PDE4B: variants seen among roughly 807,000 people sequenced by gnomAD.
PDE4B encodes the protein phosphodiesterase 4B.
Under a neutral mutation model 82.2 loss-of-function variants are expected in PDE4B, and 20 were observed. The ratio of observed to expected loss-of-function variants is 0.24; its 90% CI spans 0.17 to 0.35. PDE4B has a LOEUF of 0.35. Among genes scored for constraint, PDE4B ranks in the 10% least tolerant of loss-of-function variants. PDE4B has a pLI of 1.00. For missense variants in PDE4B, 655 were observed against 907.2 expected (o/e 0.72, Z 3.57); for synonymous variants, 320 against 318.9 (o/e 1.00, Z -0.04).
chr1:65,859,601 C>T (rs999953614), intron 1 of PDE4B, among the ~76,000 whole-genome samples: 2 of 151,822 alleles, frequency 1.3e-5, no homozygotes, highest in African/African-American at 2.4e-5. Flanking sequence ...AACGATTGGT[C>T]GTCAAAAGCG....
chr1:66,101,086 A>AT (rs531726356), intron 3 of PDE4B, among the ~76,000 whole-genome samples: 25 of 151,882 alleles, frequency 1.6e-4, no homozygotes, highest in African/African-American at 6.0e-4. Context: ...GCGGTGTTTG[A>AT]TTTTTTGTCC....
At chr1:66,208,241 G>A (rs1041352132) in intron 3 of PDE4B, among the ~76,000 whole-genome samples, 1 of 152,116 alleles carries the variant, frequency 6.6e-6, no homozygotes, top group Non-Finnish European at 1.5e-5. Flanking sequence ...GACAGGCACA[G>A]GTTCTCTTAC....
At chr1:66,103,276 G>GT (rs5774795) in intron 3 of PDE4B, among the ~76,000 whole-genome samples, 50,435 of 151,956 alleles carry the variant, frequency 0.33, 8,525 homozygotes, top group Middle Eastern at 0.43. Flanking sequence ...ATCCCTCTCT[G>GT]TATCTTCAGG....
At chr1:65,831,651 G>A (rs545928304) in intron 1 of PDE4B, among the ~76,000 whole-genome samples, 23 of 151,936 alleles carry the variant, frequency 1.5e-4, no homozygotes, top group African/African-American at 5.5e-4. Context: ...AGAGGAGGTA[G>A]CACTTTCCAA....
At chr1:65,867,483 A>G (rs1646524743) in intron 1 of PDE4B, among the ~76,000 whole-genome samples, 1 of 152,234 alleles carries the variant, frequency 6.6e-6, no homozygotes, top group Non-Finnish European at 1.5e-5. Context: ...CTAAACATTT[A>G]TCAAATCATA....
In PDE4B at chr1:66,234,701, G is replaced by A. The variant is rs568315669; in HGVS notation, c.282-12759G>A. On this transcript the variant is annotated intron_variant, in intron 3 of 16. Transcript: ENST00000341517. ...TTGTATCTCTTCTTTTTTTTTCCTG[G>A]TAAGTCTGACTAGAGGTTTGTCAAT... Among the ~76,000 whole-genome samples, 7 of 149,766 alleles carry A rather than the reference G, an allele frequency of 4.7e-5. No individual in the cohort carries two copies. The South Asian group carries it at 1.5e-3, about 32-fold the overall frequency.
chr1:66,305,035 C>G (rs1658170873), intron 7 of PDE4B, among the ~76,000 whole-genome samples: 1 of 152,108 alleles, frequency 6.6e-6, no homozygotes, highest in Non-Finnish European at 1.5e-5. Context: ...CAGAAGATGA[C>G]ACTCTAATGA....
chr1:65,837,444 C>T (rs889372230), intron 1 of PDE4B, among the ~76,000 whole-genome samples: 2 of 152,018 alleles, frequency 1.3e-5, no homozygotes, highest in African/African-American at 4.8e-5. Flanking sequence ...CTATACTATA[C>T]TAAAAATACA....
chr1:66,234,979 A>G (rs897277011), intron 3 of PDE4B, among the ~76,000 whole-genome samples: 10 of 152,168 alleles, frequency 6.6e-5, no homozygotes, highest in African/African-American at 2.4e-4. Flanking sequence ...CATTCAGTTC[A>G]AAATACTTTT....
intron 1 of PDE4B, among the ~76,000 whole-genome samples, chr1:65,858,081 T>TC (rs1646413341): frequency 6.6e-6 from 1 of 152,254 alleles, no homozygotes. Flanking sequence ...GATCTATCTC[T>TC]TGTAGTGGCT....
intron 3 of PDE4B, among the ~76,000 whole-genome samples, chr1:65,930,494 C>T (rs1369462379): frequency 6.6e-6 from 1 of 152,194 alleles, no homozygotes; most frequent in African/African-American, 2.4e-5. Flanking sequence ...GGGGTCGAGC[C>T]CTGGAAGGCC....
At chr1:65,857,661 C>T (rs976415802) in intron 1 of PDE4B, among the ~76,000 whole-genome samples, 2 of 152,164 alleles carry the variant, frequency 1.3e-5, no homozygotes, top group African/African-American at 4.8e-5. Flanking sequence ...GCCTTGTCAC[C>T]TATTTTTTAT....
intron 1 of PDE4B, among the ~76,000 whole-genome samples, chr1:65,829,715 A>T (rs1383843920): frequency 6.6e-6 from 1 of 152,202 alleles, no homozygotes; most frequent in Non-Finnish European, 1.5e-5. Context: ...GGTTTAACTA[A>T]GAAGTCTCAA....
chr1:66,202,196 A>C (rs1649037805), intron 3 of PDE4B, among the ~76,000 whole-genome samples: 1 of 150,784 alleles, frequency 6.6e-6, no homozygotes, highest in South Asian at 2.1e-4. Context: ...GTTTGATTGC[A>C]CTGTGGTCTG....
intron 3 of PDE4B, among the ~76,000 whole-genome samples, chr1:66,019,632 C>A (rs968110127): frequency 7.2e-5 from 11 of 152,074 alleles, no homozygotes; most frequent in African/African-American, 1.9e-4. Context: ...GGATTACAGG[C>A]ATGAGCCACC....
chr1:66,188,209 A>T (rs1197579547), intron 3 of PDE4B, among the ~76,000 whole-genome samples: 1 of 151,976 alleles, frequency 6.6e-6, no homozygotes, highest in Non-Finnish European at 1.5e-5. Context: ...ACAGTTTGTT[A>T]TAATTTCTGT....
intron 1 of PDE4B, among the ~76,000 whole-genome samples, chr1:65,827,640 C>T (rs1646034739): frequency 6.6e-6 from 1 of 151,938 alleles, no homozygotes; most frequent in South Asian, 2.1e-4. Context: ...TCAGAGCATC[C>T]AAGAGCTGAG....
intron 7 of PDE4B, among the ~76,000 whole-genome samples, chr1:66,296,264 T>G (rs1657507695): frequency 3.3e-5 from 5 of 152,166 alleles, no homozygotes; most frequent in Admixed American, 2.0e-4. Flanking sequence ...ACATACCTGA[T>G]TAATAAATTC....
At chr1:65,864,621 C>G (rs958136071) in intron 1 of PDE4B, among the ~76,000 whole-genome samples, 4 of 152,162 alleles carry the variant, frequency 2.6e-5, no homozygotes, top group African/African-American at 4.8e-5. Flanking sequence ...GTCAGGCCCC[C>G]TCTTCTGCAG....
Sources: gnomAD v4.1 joint callset for allele counts (sites outside exome capture counted in the v4.1 genomes callset) on GRCh38, gnomAD v4.1.1 for gene constraint, MANE v1.5 for transcripts, NCBI Gene and HGNC (gene_info 2026-07-23, HGNC 2026-07-21) for gene names.